Variants in DST observed in about 807,000 individuals in gnomAD.
DST encodes the protein dystonin.
A neutral mutation model predicts 875.2 loss-of-function variants in DST; 253 were observed. The observed-to-expected ratio is 0.29, with a 90% confidence interval of 0.26 to 0.32. The LOEUF is 0.32. Ranked by LOEUF, DST falls within the 10% of genes least tolerant of loss-of-function variation. The pLI is 1.00. For synonymous variants in DST, 3,124 were observed against 3,197.1 expected (o/e 0.98, Z 0.77); for missense variants, 8,287 against 9,111.6 (o/e 0.91, Z 3.68).
In DST at chr6:56,517,217, T is replaced by C; in HGVS notation, c.18338A>G (p.Glu6113Gly). 1 of 1,613,034 alleles carries C rather than the reference T, an allele frequency of 6.2e-7. No homozygotes were observed. Among genetic ancestry groups the C allele is most frequent in the Non-Finnish European group, 8.5e-7 (1 of 1,179,250 alleles). Reference protein sequence around the residue: ...GHKIMTACSEEEKQSMKKKLD... With the variant: ...GHKIMTACSEGEKQSMKKKLD... ...TTATACCTTCATTGATTGCTTTTCC[T>C]CTTCACTGCATGCGGTCATGATTTT... Residue 6113 changes from glutamate to glycine, a missense_variant, in exon 71 of 104, where the codon GAG (glutamate) becomes GGG (glycine). Transcript: ENST00000680361.
chr6:56,727,137 C>T (rs2099464478), intron 5 of DST, among the ~76,000 whole-genome samples: 1 of 152,224 alleles, frequency 6.6e-6, no homozygotes, highest in Non-Finnish European at 1.5e-5. Context: ...ATCTCATTGC[C>T]TCCTTTGGAA....
Position 56,737,848 on chromosome 6 carries a change from T to C in DST, c.626-2559A>G, listed in dbSNP as rs560982187. Among the ~76,000 whole-genome samples, 5 of 152,336 alleles carry C rather than the reference T, an allele frequency of 3.3e-5. No homozygotes were observed. In the East Asian group the frequency reaches 5.8e-4, roughly 18 times the overall value. ...CTATTCTGAAGTTATAATCATATTA[T>C]GTACAAAATGTAACTATGAGAATAT... On this transcript the variant is annotated intron_variant, in intron 4 of 103. Transcript: ENST00000680361.
intron 4 of DST, among the ~76,000 whole-genome samples, chr6:56,749,155 T>G (rs1191152906): frequency 6.6e-6 from 1 of 151,974 alleles, no homozygotes; most frequent in East Asian, 1.9e-4. Flanking sequence ...GTCAGGAGTT[T>G]AAGGCTGGCC....
intron 4 of DST, among the ~76,000 whole-genome samples, chr6:56,794,527 A>G (rs1198886661): frequency 6.6e-6 from 1 of 152,176 alleles, no homozygotes; most frequent in African/African-American, 2.4e-5. Context: ...AAGCTGAGAG[A>G]AGCAATCTGA....
chr6:56,701,911 G>T lies in DST; in HGVS notation c.931C>A (p.Leu311Ile). 1 of 1,610,688 alleles carries T rather than the reference G, an allele frequency of 6.2e-7. No homozygotes were observed. Among genetic ancestry groups the T allele is most frequent in the Non-Finnish European group, 8.5e-7 (1 of 1,177,668 alleles). ...FHRLQNVQIA[L>I]DYLKRRQVKL... is the part of the protein sequence containing the mutation. ...ACCTGGCGTCTTTTCAAATAGTCAA[G>T]TGCAATTTGTACATTCTGTAGTCTG... Residue 311 changes from leucine to isoleucine, a missense_variant, in exon 8 of 104, where the codon CTT (leucine) becomes ATT (isoleucine). By Grantham distance (5) the Leu-to-Ile change is conservative (BLOSUM62 2). Transcript: ENST00000680361.
chr6:56,462,906 G>A, intron 102 of DST, 140 bp downstream of exon 102: 1 of 475,634 alleles, frequency 2.1e-6, no homozygotes, highest in African/African-American at 2.0e-5. Flanking sequence ...CTGCTCGGTT[G>A]ATACTTATCT....
At chr6:56,871,493 T>C in intron 3 of DST, 1 of 1,557,314 alleles carries the variant, frequency 6.4e-7, no homozygotes. Flanking sequence ...CAGAGAGTGA[T>C]GCTGAACTTA....
intron 4 of DST, chr6:56,742,368 C>G (rs1394047043): frequency 7.8e-7 from 1 of 1,289,476 alleles, no homozygotes; most frequent in Non-Finnish European, 1.0e-6. Flanking sequence ...CAGCAGTTCC[C>G]TAAACTCTCT....
At chr6:56,508,283 C>G (rs1434702217) in intron 75 of DST, among the ~76,000 whole-genome samples, 5 of 152,164 alleles carry the variant, frequency 3.3e-5, no homozygotes, top group Non-Finnish European at 5.9e-5. Context: ...ATCCGCCCAC[C>G]TCGGCCTCCC....
Position 56,476,275 on chromosome 6 carries a change from G to T in DST, c.21738C>A (p.Ala7246=). Residue 7246 remains alanine (A), a synonymous_variant, in exon 92 of 104, where the codon GCC becomes GCA. Transcript: ENST00000680361. ...RLASALAGLI[A]KQELLEALLA... ...GCAAAGCTTCCAACAATTCCTGTTTGGCAATAAGCCCAGCCAGAGCACTTG... is the reference window on the plus strand; with the variant it reads ...GCAAAGCTTCCAACAATTCCTGTTTTGCAATAAGCCCAGCCAGAGCACTTG... 1 of 1,609,040 alleles carries T rather than the reference G, an allele frequency of 6.2e-7. No individual in the cohort carries two copies. Among genetic ancestry groups the T allele is most frequent in the Non-Finnish European group, 8.5e-7 (1 of 1,177,386 alleles).
At chr6:56,747,748 C>A (rs935841852) in intron 4 of DST, among the ~76,000 whole-genome samples, 2 of 151,950 alleles carry the variant, frequency 1.3e-5, no homozygotes, top group African/African-American at 4.8e-5. Flanking sequence ...ATATGTAACT[C>A]GATGAAAATA....
At chr6:56,633,233 CTT>C (rs61647189) in intron 27 of DST, among the ~76,000 whole-genome samples, 196 bp from the exon 28 acceptor site, 2 of 138,714 alleles carry the variant, frequency 1.4e-5, no homozygotes, top group Non-Finnish European at 3.0e-5. Flanking sequence ...GAGTTTCACT[CTT>C]TTTTTTTTTG....
chr6:56,690,750 G>A (rs1406077286), intron 9 of DST, among the ~76,000 whole-genome samples: 9 of 152,164 alleles, frequency 5.9e-5, no homozygotes, highest in Non-Finnish European at 1.3e-4. Context: ...ATTCTCCAAT[G>A]AAAAATGTAG....
chr6:56,532,645 C>T (rs546065934), intron 63 of DST, 135 bp from the exon 64 acceptor site: 2 of 836,808 alleles, frequency 2.4e-6, no homozygotes, highest in South Asian at 2.0e-5. Context: ...ATCTGAAAAG[C>T]GAGATTTTAA....
intron 4 of DST, among the ~76,000 whole-genome samples, chr6:56,808,651 C>A (rs2099756175): frequency 6.6e-6 from 1 of 152,136 alleles, no homozygotes; most frequent in African/African-American, 2.4e-5. Context: ...CATAAAATAT[C>A]ATTCTATTTA....
At chr6:56,877,599 A>G (rs1034685121) in intron 3 of DST, among the ~76,000 whole-genome samples, 1 of 152,228 alleles carries the variant, frequency 6.6e-6, no homozygotes, top group Non-Finnish European at 1.5e-5. Context: ...TTTTATTTTT[A>G]TGGGATCTGT....
intron 3 of DST, among the ~76,000 whole-genome samples, chr6:56,900,191 G>A (rs1020454731): frequency 1.3e-5 from 2 of 151,898 alleles, no homozygotes; most frequent in Non-Finnish European, 2.9e-5. Context: ...TTTCATATCA[G>A]CTGCCTGACA....
intron 49 of DST, among the ~76,000 whole-genome samples, chr6:56,588,800 A>G (rs2098214301): frequency 6.6e-6 from 1 of 152,240 alleles, no homozygotes; most frequent in Non-Finnish European, 1.5e-5. Flanking sequence ...ATATGTCAAA[A>G]GGCCCACCAA....
intron 10 of DST, among the ~76,000 whole-genome samples, chr6:56,664,007 AAATG>A (rs2099058566): frequency 6.6e-6 from 1 of 152,116 alleles, no homozygotes; most frequent in African/African-American, 2.4e-5. Context: ...CAATTTAAAT[AAATG>A]AATGAGATAA....
Sources: allele counts gnomAD v4.1 joint callset (sites outside exome capture counted in the v4.1 genomes callset), GRCh38; gene constraint gnomAD v4.1.1; transcripts MANE v1.5; gene names NCBI Gene and HGNC (gene_info 2026-07-23, HGNC 2026-07-21).